The following ERI1 variants were observed in gnomAD, a reference collection of about 807,000 sequenced individuals.
The protein encoded by ERI1 is 3'-5' exoribonuclease 1.
In ERI1, 39 loss-of-function variants were observed where a neutral mutation model predicts 39.7. The ratio of observed to expected loss-of-function variants is 0.98; its 90% CI spans 0.76 to 1.28. The LOEUF is 1.28. ERI1 is among the 50% of genes most tolerant of loss of function. ERI1 has a pLI of 0.00. For synonymous variants in ERI1, 204 were observed against 149.6 expected (o/e 1.36, Z -2.65); for missense variants, 581 against 416.9 (o/e 1.39, Z -3.43).
intron 5 of ERI1, 151 bp downstream of exon 5, chr8:9,018,557 A>G (rs1238165772): frequency 1.3e-5 from 7 of 533,582 alleles, no homozygotes; most frequent in Non-Finnish European, 2.3e-5. Flanking sequence ...TCACCTAAGG[A>G]TGAAAGAGAG....
Position 9,030,261 on chromosome 8 carries a change from A to C in ERI1, c.*227A>C. 1.8e-6 allele frequency: 1 copy of C among 540,622 alleles called. No individual in the cohort carries two copies. Among genetic ancestry groups the C allele is most frequent in the Non-Finnish European group, 3.2e-6 (1 of 309,182 alleles). 33.5% of individuals were successfully genotyped at this position (540,622 alleles called of 1,614,324 possible). A position where few individuals can be genotyped will look rare whatever the true frequency, so the allele number is the denominator to read the frequency against. On this transcript the variant is annotated 3_prime_UTR_variant, in exon 7 of 7. Coordinates refer to ENST00000250263, the MANE Select transcript of ERI1 (RefSeq NM_153332.4). Reference sequence around the variant, plus strand: ...TATGAACAGTATTCGTTACATAGTAACAGTTCCTGCTTACAACTGAATTTT... The same window carrying C: ...TATGAACAGTATTCGTTACATAGTACCAGTTCCTGCTTACAACTGAATTTT...
intron 1 of ERI1, chr8:9,004,157 C>T (rs1258633409): frequency 1.1e-5 from 14 of 1,289,230 alleles, no homozygotes; most frequent in Non-Finnish European, 1.3e-5. Flanking sequence ...CCTGTGTGCA[C>T]TTCCTTTGGA....
chr8:9,020,213 A>T (rs1055947352), intron 5 of ERI1, 137 bp from the exon 6 acceptor site: 3 of 491,600 alleles, frequency 6.1e-6, no homozygotes, highest in Non-Finnish European at 1.1e-5. Flanking sequence ...TGTAGGAAGC[A>T]AGGTTAATTT....
At chr8:9,064,395 A>C (rs1266834355) in intron 3 of ERI1, among the ~76,000 whole-genome samples, 1 of 152,176 alleles carries the variant, frequency 6.6e-6, no homozygotes, top group Non-Finnish European at 1.5e-5. Flanking sequence ...CCTCTGAAAC[A>C]TGGGTGAATT....
chr8:9,004,025 C>T (rs1815676674), intron 1 of ERI1: 1 of 1,245,670 alleles, frequency 8.0e-7, no homozygotes, highest in African/African-American at 1.5e-5. Flanking sequence ...CGGGTGCCTG[C>T]CTCCCTTGGT....
At chr8:9,058,533 G>T (rs1310454465) in intron 3 of ERI1, among the ~76,000 whole-genome samples, 1 of 152,148 alleles carries the variant, frequency 6.6e-6, no homozygotes, top group Non-Finnish European at 1.5e-5. Context: ...ATTCTTTGAT[G>T]ATCTTCATGT....
At chr8:9,063,420 A>G (rs1271347793) in intron 3 of ERI1, among the ~76,000 whole-genome samples, 1 of 152,158 alleles carries the variant, frequency 6.6e-6, no homozygotes, top group East Asian at 1.9e-4. Context: ...TCATGGAATG[A>G]AACTGTAAGC....
intron 3 of ERI1, among the ~76,000 whole-genome samples, chr8:9,067,434 A>T (rs962252802): frequency 1.3e-5 from 2 of 149,998 alleles, no homozygotes; most frequent in Non-Finnish European, 3.0e-5. Flanking sequence ...TATCAATAGT[A>T]GAAGGGAAAA....
chr8:9,095,078 G>C (rs570366781), intron 3 of ERI1, among the ~76,000 whole-genome samples: 2 of 152,338 alleles, frequency 1.3e-5, no homozygotes, highest in African/African-American at 2.4e-5. Flanking sequence ...TCCATCAGCT[G>C]CAAGATGAGG....
At position 9,003,061 on chromosome 8, in the gene ERI1, G is replaced by T; in HGVS notation, c.-3G>T. ...GCAACTCTCCTCTGGCGTGACAGCC[G>T]GCATGGAGGATCCACAGAGTAAAGA... On this transcript the variant is annotated 5_prime_UTR_variant, in exon 1 of 7. Transcript: ENST00000250263. 3.2e-6 allele frequency: 4 copies of T among 1,246,620 alleles called. No homozygotes were observed. The highest frequency in any genetic ancestry group is 4.1e-6 in the Non-Finnish European group (4 of 987,364). 77.2% of individuals were successfully genotyped at this position (1,246,620 alleles called of 1,614,324 possible). A position where few individuals can be genotyped will look rare whatever the true frequency, so the allele number is the denominator to read the frequency against.
intron 1 of ERI1, among the ~76,000 whole-genome samples, chr8:9,007,750 G>C (rs1426493906): frequency 6.6e-6 from 1 of 152,048 alleles, no homozygotes; most frequent in Non-Finnish European, 1.5e-5. Context: ...TTCCTTTGAG[G>C]AACCTCATGA....
At chr8:9,014,735 A>G (rs913378375) in intron 3 of ERI1, among the ~76,000 whole-genome samples, 1 of 152,240 alleles carries the variant, frequency 6.6e-6, no homozygotes, top group Non-Finnish European at 1.5e-5. Context: ...GATACTTAAA[A>G]GGATATAGAC....
At chr8:9,052,147 T>C (rs1798376327) in intron 3 of ERI1, among the ~76,000 whole-genome samples, 1 of 152,216 alleles carries the variant, frequency 6.6e-6, no homozygotes, top group Non-Finnish European at 1.5e-5. Flanking sequence ...TAGCTCTTAT[T>C]ACACGGGTCT....
chr8:9,064,787 C>T (rs1418161975), intron 3 of ERI1, among the ~76,000 whole-genome samples: 3 of 152,106 alleles, frequency 2.0e-5, no homozygotes, highest in Non-Finnish European at 2.9e-5. Context: ...AGTCATGGCA[C>T]CAAATTTCAT....
chr8:9,053,195 T>G (rs1798411180), intron 3 of ERI1, among the ~76,000 whole-genome samples: 1 of 152,124 alleles, frequency 6.6e-6, no homozygotes, highest in South Asian at 2.1e-4. Flanking sequence ...TTTCATATTT[T>G]TAGTAGAGAT....
rs930245915 is a variant in ERI1 at position 9,030,405 on chromosome 8, C to T, written c.*371C>T. ...AATATGTAATGTGTTTCTTTATTAA[C>T]ATCACTAGATGAAACCATATCTTAA... On this transcript the variant is annotated 3_prime_UTR_variant, in exon 7 of 7. Transcript: ENST00000250263. 2.6e-5 allele frequency: 5 copies of T among 191,136 alleles called. No individual in the cohort carries two copies. The Admixed American group carries it at 2.6e-4, about 10-fold the overall frequency. 11.8% of individuals were successfully genotyped at this position (191,136 alleles called of 1,614,324 possible).
At chr8:9,016,178 TGG>T (rs1331502910) in intron 3 of ERI1, 142 bp from the exon 4 acceptor site, 2 of 433,024 alleles carry the variant, frequency 4.6e-6, no homozygotes, top group Non-Finnish European at 8.4e-6. Flanking sequence ...GCTTTCGATG[TGG>T]GGAATTATTC....
rs75966305 is a variant in ERI1, at chr8:9,027,963, T to A, written c.808-1829T>A. On this transcript the variant is annotated intron_variant, in intron 6 of 6. Transcript: ENST00000250263. ...CATAATTGTTTTAATATGCTGCTGA[T>A]TTAAATTTGCTTATATTTTGTCAAG... Among the ~76,000 whole-genome samples the A allele has an allele frequency of 4.5e-3, 684 of 152,346 alleles. 2 individuals are homozygous for A. Among genetic ancestry groups the A allele is most frequent in the African/African-American group, 0.015 (622 of 41,578 alleles).
chr8:9,076,703 C>T (rs1307754483), intron 3 of ERI1, among the ~76,000 whole-genome samples: 2 of 152,166 alleles, frequency 1.3e-5, no homozygotes, highest in African/African-American at 2.4e-5. Context: ...GTGGAAAAGC[C>T]ACTTCAGTGA....
Sources: gnomAD v4.1 joint callset for allele counts (sites outside exome capture counted in the v4.1 genomes callset) on GRCh38, gnomAD v4.1.1 for gene constraint, MANE v1.5 for transcripts, NCBI Gene and HGNC (gene_info 2026-07-23, HGNC 2026-07-21) for gene names.